Variants in PPP1CB observed in about 807,000 individuals in gnomAD.
PPP1CB encodes serine/threonine-protein phosphatase PP1-beta catalytic subunit.
PPP1CB carries 2 observed loss-of-function variants against 43.7 expected under a neutral mutation model. The observed-to-expected ratio is 0.05, with a 90% confidence interval of 0.02 to 0.14. The LOEUF (loss-of-function observed/expected upper bound fraction) is 0.14, where lower values mean the gene tolerates loss of function less well. Ranked by LOEUF, PPP1CB falls within the 10% of genes least tolerant of loss-of-function variation. The probability of loss-of-function intolerance (pLI) is 1.00; values close to 1 mark genes in which losing one functional copy is unlikely to be tolerated. For missense variants in PPP1CB, 84 were observed against 398.0 expected, an observed-to-expected ratio of 0.21 and a Z score of 6.71; for synonymous variants, 136 against 135.6, an observed-to-expected ratio of 1.00 and a Z score of -0.02.
chr2:28,756,603 C>T (rs1460234399), intron 1 of PPP1CB, among the ~76,000 whole-genome samples: 3 of 152,168 alleles, frequency 2.0e-5, no homozygotes, highest in Non-Finnish European at 4.4e-5. Context: ...TCTGCCTCAA[C>T]CTCCCTAGTG....
At chr2:28,778,614 A>AGTGT (rs1490869039) in intron 2 of PPP1CB, 195 bp from the exon 3 acceptor site, 10 of 574,826 alleles carry the variant, frequency 1.7e-5, no homozygotes, top group African/African-American at 1.7e-4. Context: ...GCAAGATGAA[A>AGTGT]GTCACAGTCT....
chr2:28,760,306 A>AAAAAATGTT (rs1666611814), intron 1 of PPP1CB, among the ~76,000 whole-genome samples: 1 of 152,244 alleles, frequency 6.6e-6, no homozygotes, highest in Non-Finnish European at 1.5e-5. Flanking sequence ...TTTCTAAAGT[A>AAAAAATGTT]AAAAATGTTA....
chr2:28,752,109 A>G lies in PPP1CB; in HGVS notation c.-16A>G. ...CCTTGTTCCCGCTGCTGGGAAGGAG[A>G]GTCTGTGCCGACAAGATGGCGGACG... On this transcript the variant is annotated 5_prime_UTR_variant, in exon 1 of 8. Coordinates refer to ENST00000395366, the MANE Select transcript of PPP1CB (RefSeq NM_002709.3). 1.3e-6 allele frequency: 2 copies of G among 1,549,512 alleles called. No individual in the cohort carries two copies. The highest frequency in any genetic ancestry group is 8.7e-7 in the Non-Finnish European group (1 of 1,146,050).
intron 1 of PPP1CB, among the ~76,000 whole-genome samples, chr2:28,770,210 C>T (rs1226132099): frequency 6.6e-6 from 1 of 152,098 alleles, no homozygotes; most frequent in African/African-American, 2.4e-5. Flanking sequence ...TTTCAGTGAG[C>T]TGAGATCATG....
At position 28,783,496 on chromosome 2, in the gene PPP1CB, G is replaced by A. The variant is rs192760519; in HGVS notation, c.521-411G>A. Reference sequence around the variant, plus strand: ...AAAGGGGCAGGGCGCGGTGGCCCACGCCTGTAATCTCAGCACTTTGGGAGG... The same window carrying A: ...AAAGGGGCAGGGCGCGGTGGCCCACACCTGTAATCTCAGCACTTTGGGAGG... On this transcript the variant is annotated intron_variant, in intron 4 of 7. Coordinates refer to ENST00000395366, the MANE Select transcript of PPP1CB (RefSeq NM_002709.3). Among the ~76,000 whole-genome samples, 990 of 152,268 alleles carry A rather than the reference G, an allele frequency of 6.5e-3. 10 individuals are homozygous for A. The highest frequency in any genetic ancestry group is 0.022 in the African/African-American group (897 of 41,542).
intron 1 of PPP1CB, among the ~76,000 whole-genome samples, chr2:28,754,258 T>A (rs888421185): frequency 6.9e-6 from 1 of 145,968 alleles, no homozygotes; most frequent in African/African-American, 2.5e-5. Flanking sequence ...GAAAAGACAC[T>A]GGGGGAAAAA....
intron 5 of PPP1CB, among the ~76,000 whole-genome samples, chr2:28,784,671 G>A (rs1463480522): frequency 4.6e-5 from 7 of 151,938 alleles, no homozygotes; most frequent in South Asian, 2.1e-4. Flanking sequence ...TAGTCCCAGC[G>A]CTTTGGGAGG....
At position 28,775,498 on chromosome 2, in the gene PPP1CB, C is replaced by G. The variant is rs576391980; in HGVS notation, c.53-1353C>G. ...TCATAGCTCACTGCAGCCTCAACCTCTTGGCCTCAAGCAATTCTCTACTAT... is the reference window on the plus strand; with the variant it reads ...TCATAGCTCACTGCAGCCTCAACCTGTTGGCCTCAAGCAATTCTCTACTAT... On this transcript the variant is annotated intron_variant, in intron 1 of 7. Transcript: ENST00000395366. 5.3e-5 allele frequency among the ~76,000 whole-genome samples: 8 copies of G among 152,256 alleles called. No individual in the cohort carries two copies. The South Asian group carries it at 1.7e-3, about 32-fold the overall frequency.
At chr2:28,760,909 T>C (rs1285187746) in intron 1 of PPP1CB, among the ~76,000 whole-genome samples, 1 of 152,164 alleles carries the variant, frequency 6.6e-6, no homozygotes, top group Non-Finnish European at 1.5e-5. Flanking sequence ...CCAGACCTTT[T>C]CTTTTTTCCG....
chr2:28,788,875 G>T, intron 6 of PPP1CB, 66 bp downstream of exon 6: 1 of 1,425,272 alleles, frequency 7.0e-7, no homozygotes, highest in South Asian at 1.4e-5. Flanking sequence ...AGACGGAGGG[G>T]CAGACAGATT....
chr2:28,798,916 T>C (rs1357074638), intron 7 of PPP1CB, among the ~76,000 whole-genome samples: 1 of 151,126 alleles, frequency 6.6e-6, no homozygotes, highest in Non-Finnish European at 1.5e-5. Flanking sequence ...TAAACCAGTG[T>C]TCTTTTCCTC....
intron 6 of PPP1CB, 46 bp downstream of exon 6, chr2:28,788,855 T>C (rs761264580): frequency 2.0e-6 from 3 of 1,523,000 alleles, no homozygotes; most frequent in Non-Finnish European, 2.6e-6. Flanking sequence ...TCTTTCTTTT[T>C]TTTGGGGGCA....
At chr2:28,778,709 T>G in intron 2 of PPP1CB, 100 bp from the exon 3 acceptor site, 1 of 721,542 alleles carries the variant, frequency 1.4e-6, no homozygotes, top group Admixed American at 2.4e-5. Flanking sequence ...TACTCAAGGG[T>G]AGGGGAGGAT....
chr2:28,776,593 C>T (rs919319388), intron 1 of PPP1CB, among the ~76,000 whole-genome samples: 5 of 151,986 alleles, frequency 3.3e-5, no homozygotes, highest in African/African-American at 1.2e-4. Context: ...GCTACTAGGC[C>T]CCAGGTTGGT....
chr2:28,800,682 A>G lies in PPP1CB; in HGVS notation c.*1379A>G, dbSNP rs1185429664. 6.6e-6 allele frequency: 1 copy of G among 152,478 alleles called. No homozygotes were observed. The highest frequency in any genetic ancestry group is 2.4e-5 in the African/African-American group (1 of 41,450). The allele number at this position is 152,478 out of a possible 1,614,324, so 9.4% of individuals were successfully genotyped here. ...GAAGGAGAGAACTTACAGGACACAG[A>G]TTTGTGATTCTTTGACTGTGACACT... On this transcript the variant is annotated 3_prime_UTR_variant, in exon 8 of 8. Coordinates refer to ENST00000395366, the MANE Select transcript of PPP1CB (RefSeq NM_002709.3).
rs931134817 is a variant in PPP1CB at position 28,802,563 on chromosome 2, C to A, written c.*3260C>A. On this transcript the variant is annotated 3_prime_UTR_variant, in exon 8 of 8. Coordinates refer to ENST00000395366, the MANE Select transcript of PPP1CB (RefSeq NM_002709.3). The stretch of plus-strand genomic sequence containing the variant: ...TTAAAACAGCTGAAAATTGGGACAA[C>A]ATACTTTACGCAATGAACAGTAGTT... 3.3e-5 allele frequency: 5 copies of A among 152,172 alleles called. No homozygotes were observed. Among genetic ancestry groups the A allele is most frequent in the African/African-American group, 4.8e-5 (2 of 41,428 alleles). 9.4% of individuals were successfully genotyped at this position (152,172 alleles called of 1,614,324 possible). A position where few individuals can be genotyped will look rare whatever the true frequency, so the allele number is the denominator to read the frequency against.
intron 6 of PPP1CB, 141 bp downstream of exon 6, chr2:28,788,950 C>T (rs1013224425): frequency 9.2e-5 from 76 of 827,832 alleles, no homozygotes; most frequent in East Asian, 1.1e-4. Context: ...CTGTGCCTCC[C>T]GGGTTCAGGC....
chr2:28,785,065 C>CCTTTTTTTTTTTTTTTT (rs1667234037), intron 5 of PPP1CB, among the ~76,000 whole-genome samples: 1 of 55,000 alleles, frequency 1.8e-5, no homozygotes, highest in Admixed American at 1.9e-4. Context: ...GTGTTAGGAG[C>CCTTTTTTTTTTTTTTTT]TTTTTTTTTT....
chr2:28,760,720 G>A (rs898569838), intron 1 of PPP1CB, among the ~76,000 whole-genome samples: 1 of 152,194 alleles, frequency 6.6e-6, no homozygotes, highest in African/African-American at 2.4e-5. Context: ...TATATTGGGT[G>A]TTACATAGCT....
Sources: gnomAD v4.1 joint callset for allele counts (sites outside exome capture counted in the v4.1 genomes callset) on GRCh38, gnomAD v4.1.1 for gene constraint, MANE v1.5 for transcripts, NCBI Gene and HGNC (gene_info 2026-07-23, HGNC 2026-07-21) for gene names.